Variants in THSD7B observed in about 807,000 individuals in gnomAD.
The protein encoded by THSD7B is thrombospondin type-1 domain-containing protein 7B.
Under a neutral mutation model 213.6 loss-of-function variants are expected in THSD7B, and 138 were observed. That is an observed-to-expected ratio of 0.65 (90% CI 0.56 to 0.74). THSD7B has a LOEUF of 0.74. Ranked by LOEUF, THSD7B falls within the 30% of genes least tolerant of loss-of-function variation. The pLI, the probability that THSD7B is intolerant of heterozygous loss-of-function variation, is 0.00. For missense variants in THSD7B, 1,931 were observed against 1,991.5 expected, an observed-to-expected ratio of 0.97 and a Z score of 0.58; for synonymous variants, 742 against 687.0, an observed-to-expected ratio of 1.08 and a Z score of -1.25.
intron 15 of THSD7B, among the ~76,000 whole-genome samples, chr2:137,491,163 A>C (rs1688598305): frequency 6.6e-6 from 1 of 152,218 alleles, no homozygotes; most frequent in Non-Finnish European, 1.5e-5. Context: ...TAACCAAACA[A>C]AGATTGGCTT....
chr2:137,506,394 C>A (rs980760230), intron 15 of THSD7B, among the ~76,000 whole-genome samples: 2 of 152,206 alleles, frequency 1.3e-5, no homozygotes, highest in Non-Finnish European at 2.9e-5. Context: ...CATCTTCTTT[C>A]CTTCTTTTGG....
At chr2:136,889,375 T>C (rs1281479960) in intron 2 of THSD7B, among the ~76,000 whole-genome samples, 3 of 152,198 alleles carry the variant, frequency 2.0e-5, no homozygotes, top group Admixed American at 2.0e-4. Context: ...TACTTCTTAG[T>C]TGATAGATAT....
chr2:137,551,234 C>T (rs918133258), intron 15 of THSD7B, among the ~76,000 whole-genome samples: 1 of 151,982 alleles, frequency 6.6e-6, no homozygotes, highest in Non-Finnish European at 1.5e-5. Context: ...TAAATTTCTT[C>T]TCTTCTTTAT....
chr2:137,139,858 C>T (rs546578785), intron 5 of THSD7B, among the ~76,000 whole-genome samples: 1 of 152,116 alleles, frequency 6.6e-6, no homozygotes, highest in Admixed American at 6.6e-5. Context: ...AAAAAGATAA[C>T]ACATGATGTC....
rs1481519462 is a variant in THSD7B at position 137,272,648 on chromosome 2, G to T, written c.2382G>T (p.Leu794Phe). ...AGAGAGAGTGTGAAGATGTTTCCTT[G>T]TGTCCTGTATATCGGCAAGTAGTTA... ...YEERECEDVS[L>F]CPVYRWKPQK... Residue 794 changes from leucine (L) to phenylalanine (F), a missense_variant, in exon 11 of 28, where the codon TTG (leucine) becomes TTT (phenylalanine). Transcript: ENST00000409968. The T allele has an allele frequency of 6.2e-7, 1 of 1,611,600 alleles. No homozygotes were observed. The highest frequency in any genetic ancestry group is 1.1e-5 in the South Asian group (1 of 90,826).
rs558601669 is a variant in THSD7B at position 136,771,121 on chromosome 2, A to AT, written c.-36+5442dup. On this transcript the variant is annotated intron_variant, in intron 1 of 27. Coordinates refer to ENST00000409968, the MANE Select transcript of THSD7B (RefSeq NM_001316349.2). ...TCTTTCTTTTGGGGAAAAAGTAATT[A>AT]TTTTTTTTCAATCTCTGTTTCTAGT... Among the ~76,000 whole-genome samples, 37 of 151,948 alleles carry AT rather than the reference A, an allele frequency of 2.4e-4. 1 individual carries two copies. Among genetic ancestry groups the AT allele is most frequent in the Middle Eastern group, 3.4e-3 (1 of 294 alleles).
At chr2:137,121,691 A>G (rs1279481354) in intron 5 of THSD7B, among the ~76,000 whole-genome samples, 1 of 152,200 alleles carries the variant, frequency 6.6e-6, no homozygotes, top group East Asian at 1.9e-4. Context: ...TTGGCTGTAA[A>G]GGCCCTTAAA....
intron 2 of THSD7B, among the ~76,000 whole-genome samples, chr2:136,991,922 G>A (rs1284545435): frequency 6.6e-6 from 1 of 152,138 alleles, no homozygotes; most frequent in African/African-American, 2.4e-5. Flanking sequence ...AAGCTTGTCT[G>A]GCCCTAAAAC....
rs2105056435 is a variant in THSD7B, at chr2:137,233,127, C to T, written c.2144C>T (p.Thr715Ile). ...CVKSHVGQVMTKRCPDSTRPE... is the reference protein window; with the variant it reads ...CVKSHVGQVMIKRCPDSTRPE... ...AAGAGTCACGTGGGACAAGTAATGA[C>T]CAAAAGGTATTTATTAGGCTGTTAC... Residue 715 changes from threonine to isoleucine, a missense_variant, in exon 9 of 28, where the codon ACC becomes ATC. By Grantham distance (89) the Thr-to-Ile change is moderately conservative. Coordinates refer to ENST00000409968, the MANE Select transcript of THSD7B (RefSeq NM_001316349.2). 1 of 1,612,486 alleles carries T rather than the reference C, an allele frequency of 6.2e-7. No homozygotes were observed. The highest frequency in any genetic ancestry group is 1.3e-5 in the African/African-American group (1 of 75,006).
chr2:137,424,019 C>A (rs972663844), intron 14 of THSD7B, among the ~76,000 whole-genome samples: 1 of 152,048 alleles, frequency 6.6e-6, no homozygotes, highest in Non-Finnish European at 1.5e-5. Flanking sequence ...TACATTTATG[C>A]TCAATTGATT....
chr2:137,612,140 T>C (rs937490951), intron 17 of THSD7B, among the ~76,000 whole-genome samples: 9 of 152,200 alleles, frequency 5.9e-5, no homozygotes, highest in African/African-American at 4.8e-5. Context: ...ACATAAAAAT[T>C]TGAAACTCTT....
intron 3 of THSD7B, among the ~76,000 whole-genome samples, chr2:137,080,386 T>G (rs1391635364): frequency 7.1e-6 from 1 of 140,374 alleles, no homozygotes; most frequent in Non-Finnish European, 1.6e-5. Context: ...TTTTTTTTTT[T>G]TTTTTTAAAT....
intron 15 of THSD7B, chr2:137,479,555 C>A (rs951362717): frequency 6.7e-6 from 2 of 299,740 alleles, no homozygotes; most frequent in Non-Finnish European, 1.4e-5. Flanking sequence ...TGGCTGGGGA[C>A]CATATGCTTT....
At chr2:137,622,275 A>G (rs1199913445) in intron 20 of THSD7B, among the ~76,000 whole-genome samples, 1 of 152,224 alleles carries the variant, frequency 6.6e-6, no homozygotes, top group Admixed American at 6.5e-5. Flanking sequence ...AACTTGTTTC[A>G]GTAACAACTT....
intron 15 of THSD7B, among the ~76,000 whole-genome samples, chr2:137,490,580 T>C (rs1158126235): frequency 6.6e-6 from 1 of 152,058 alleles, no homozygotes; most frequent in Non-Finnish European, 1.5e-5. Context: ...CCCATCAGAG[T>C]GCTACATTTT....
At chr2:137,614,678 G>A (rs1682350554) in intron 17 of THSD7B, among the ~76,000 whole-genome samples, 1 of 151,920 alleles carries the variant, frequency 6.6e-6, no homozygotes, top group South Asian at 2.1e-4. Context: ...TGGTTTCATG[G>A]GCCCTTCTTG....
chr2:137,310,165 C>T (rs1319804833), intron 12 of THSD7B, among the ~76,000 whole-genome samples: 1 of 151,284 alleles, frequency 6.6e-6, no homozygotes, highest in African/African-American at 2.4e-5. Context: ...CTCTCCGGCA[C>T]CTGTTTCCTG....
chr2:137,356,765 C>G (rs749149591), intron 12 of THSD7B, among the ~76,000 whole-genome samples: 1 of 152,162 alleles, frequency 6.6e-6, no homozygotes, highest in Non-Finnish European at 1.5e-5. Context: ...GACTCTTGAA[C>G]TGAATACACC....
chr2:137,438,450 T>A (rs1461178276), intron 14 of THSD7B, among the ~76,000 whole-genome samples: 1 of 152,146 alleles, frequency 6.6e-6, no homozygotes, highest in Non-Finnish European at 1.5e-5. Flanking sequence ...AGTATATATA[T>A]TCAACTTTGT....
Sources: allele counts gnomAD v4.1 joint callset (sites outside exome capture counted in the v4.1 genomes callset), GRCh38; gene constraint gnomAD v4.1.1; transcripts MANE v1.5; gene names NCBI Gene and HGNC (gene_info 2026-07-23, HGNC 2026-07-21).